PDGFC: variants seen among roughly 807,000 people sequenced by gnomAD.
PDGFC encodes platelet derived growth factor C, also known as platelet-derived growth factor C.
PDGFC carries 12 observed loss-of-function variants against 35.5 expected under a neutral mutation model. The ratio of observed to expected loss-of-function variants is 0.34; its 90% confidence interval spans 0.22 to 0.55. PDGFC has a LOEUF of 0.55. Among genes scored for constraint, PDGFC ranks in the 20% least tolerant of loss-of-function variants. The pLI, the probability that PDGFC is intolerant of heterozygous loss-of-function variation, is 0.91. For missense variants in PDGFC, 322 were observed against 412.4 expected (o/e 0.78, Z 1.90); for synonymous variants, 159 against 148.8 (o/e 1.07, Z -0.50).
chr4:156,959,183 T>C (rs541705417), intron 1 of PDGFC, among the ~76,000 whole-genome samples: 2 of 152,050 alleles, frequency 1.3e-5, no homozygotes, highest in Non-Finnish European at 2.9e-5. Context: ...TAAATGCAAT[T>C]GCCCAGAATT....
chr4:156,889,580 A>T (rs1288193034), intron 1 of PDGFC, among the ~76,000 whole-genome samples: 1 of 152,230 alleles, frequency 6.6e-6, no homozygotes, highest in African/African-American at 2.4e-5. Flanking sequence ...TACTGTAAGT[A>T]GGAGTTCACA....
chr4:156,930,088 T>C (rs187971412), intron 1 of PDGFC, among the ~76,000 whole-genome samples: 58 of 152,364 alleles, frequency 3.8e-4, no homozygotes, highest in African/African-American at 2.9e-4. Flanking sequence ...CTTAAAAGCA[T>C]ACTTTAATTT....
intron 1 of PDGFC, among the ~76,000 whole-genome samples, chr4:156,968,028 A>G (rs150489796): frequency 1.7e-3 from 264 of 152,352 alleles, no homozygotes; most frequent in African/African-American, 6.1e-3. Flanking sequence ...ACCTAACAAT[A>G]GTGTAAATGA....
intron 2 of PDGFC, among the ~76,000 whole-genome samples, chr4:156,828,542 G>T (rs115180211): frequency 0.016 from 2,433 of 152,024 alleles, 55 homozygotes; most frequent in African/African-American, 0.055. Flanking sequence ...ATTTTGACTG[G>T]TTTTTTGCTT....
chr4:156,957,133 TA>T (rs1732232047), intron 1 of PDGFC, among the ~76,000 whole-genome samples: 1 of 152,058 alleles, frequency 6.6e-6, no homozygotes, highest in Non-Finnish European at 1.5e-5. Flanking sequence ...GCTCTACAGT[TA>T]TTTCACCTGT....
intron 1 of PDGFC, among the ~76,000 whole-genome samples, chr4:156,927,552 C>A (rs989390622): frequency 6.6e-6 from 1 of 152,112 alleles, no homozygotes. Context: ...CAAAGTTGCA[C>A]GAATCTCTAA....
At chr4:156,868,965 A>C (rs2111136249) in intron 1 of PDGFC, among the ~76,000 whole-genome samples, 1 of 152,282 alleles carries the variant, frequency 6.6e-6, no homozygotes, top group African/African-American at 2.4e-5. Flanking sequence ...AACTCAATAT[A>C]TCCTACTGCA....
intron 1 of PDGFC, among the ~76,000 whole-genome samples, chr4:156,877,711 A>G (rs1730147707): frequency 6.6e-6 from 1 of 152,208 alleles, no homozygotes; most frequent in African/African-American, 2.4e-5. Flanking sequence ...ATGTGCAGAC[A>G]CTATGGTGCT....
chr4:156,770,453 T>C (rs1311885559), intron 4 of PDGFC: 2 of 151,970 alleles, frequency 1.3e-5, no homozygotes, highest in African/African-American at 4.8e-5. Flanking sequence ...ATGTCATACA[T>C]TCTTGAAACA....
At chr4:156,899,435 A>AT (rs1479792152) in intron 1 of PDGFC, among the ~76,000 whole-genome samples, 1 of 152,234 alleles carries the variant, frequency 6.6e-6, no homozygotes, top group Admixed American at 6.5e-5. Flanking sequence ...CTTCTTAAAC[A>AT]CAGAGTTTCT....
chr4:156,917,779 T>G (rs1057208492), intron 1 of PDGFC, among the ~76,000 whole-genome samples: 3 of 152,210 alleles, frequency 2.0e-5, no homozygotes, highest in Non-Finnish European at 4.4e-5. Context: ...TATGCGAAGT[T>G]TTTAAGCTTT....
chr4:156,783,125 C>A (rs1258616761), intron 3 of PDGFC, among the ~76,000 whole-genome samples: 1 of 151,844 alleles, frequency 6.6e-6, no homozygotes, highest in Non-Finnish European at 1.5e-5. Context: ...TAGATATTTA[C>A]AAAGAAACTG....
At chr4:156,956,923 T>C (rs1732226262) in intron 1 of PDGFC, among the ~76,000 whole-genome samples, 1 of 151,932 alleles carries the variant, frequency 6.6e-6, no homozygotes, top group Admixed American at 6.6e-5. Context: ...GGAACTGAGG[T>C]TTCCACAAGA....
At chr4:156,850,191 A>C (rs1560840040) in intron 2 of PDGFC, 30 bp downstream of exon 2, 1 of 1,183,324 alleles carries the variant, frequency 8.5e-7, no homozygotes, top group Non-Finnish European at 1.2e-6. Context: ...CAGTTGTTAC[A>C]TTGTTGGGAT....
chr4:156,833,520 C>G (rs575114151), intron 2 of PDGFC, among the ~76,000 whole-genome samples: 1 of 152,232 alleles, frequency 6.6e-6, no homozygotes, highest in South Asian at 2.1e-4. Context: ...TTGTCAAAAT[C>G]ATCAAATAAG....
At position 156,971,498 on chromosome 4, in the gene PDGFC, C is replaced by CG. The variant is rs1342702644; in HGVS notation, c.-596dup. On this transcript the variant is annotated 5_prime_UTR_variant, in exon 1 of 6. Coordinates refer to ENST00000502773, the MANE Select transcript of PDGFC (RefSeq NM_016205.3). ...ACGGGCCGGGGCGCCGGAGCGGGGC[C>CG]GGGGGGCTCCGGGCCGACGGCGGCC... 1.5e-5 allele frequency: 3 copies of CG among 206,762 alleles called. No homozygotes were observed. Among genetic ancestry groups the CG allele is most frequent in the Non-Finnish European group, 2.8e-5 (3 of 105,660 alleles). The allele number at this position is 206,762 out of a possible 1,614,324, so 12.8% of individuals were successfully genotyped here.
intron 3 of PDGFC, among the ~76,000 whole-genome samples, chr4:156,807,175 T>A (rs936269582): frequency 6.6e-6 from 1 of 152,160 alleles, no homozygotes; most frequent in East Asian, 1.9e-4. Flanking sequence ...GAGAATAATA[T>A]TTCTATAAAT....
intron 3 of PDGFC, among the ~76,000 whole-genome samples, chr4:156,776,874 T>A (rs749290864): frequency 1.3e-5 from 2 of 152,160 alleles, no homozygotes; most frequent in African/African-American, 4.8e-5. Context: ...CTACAAAATA[T>A]GGTAGCTATA....
chr4:156,935,652 T>C (rs1731661758), intron 1 of PDGFC, among the ~76,000 whole-genome samples: 1 of 152,190 alleles, frequency 6.6e-6, no homozygotes, highest in Non-Finnish European at 1.5e-5. Flanking sequence ...AAATAAGATG[T>C]CTTTATACAG....
Sources: gnomAD v4.1 joint callset for allele counts (sites outside exome capture counted in the v4.1 genomes callset) on GRCh38, gnomAD v4.1.1 for gene constraint, MANE v1.5 for transcripts, NCBI Gene and HGNC (gene_info 2026-07-23, HGNC 2026-07-21) for gene names.